Variants in ATP6V0D2 observed in about 807,000 individuals in gnomAD.
ATP6V0D2 encodes the protein V-type proton ATPase subunit d 2.
A neutral mutation model predicts 40.0 loss-of-function variants in ATP6V0D2; 40 were observed. The observed-to-expected ratio is 1.00, with a 90% CI of 0.78 to 1.30. The LOEUF (loss-of-function observed/expected upper bound fraction) is 1.30, where lower values mean the gene tolerates loss of function less well. Among genes scored for constraint, ATP6V0D2 ranks in the 50% most tolerant of loss-of-function variants. The pLI is 0.00. For missense variants in ATP6V0D2, 470 were observed against 423.1 expected (o/e 1.11, Z -0.97); for synonymous variants, 179 against 156.3 (o/e 1.15, Z -1.08).
intron 1 of ATP6V0D2, among the ~76,000 whole-genome samples, chr8:86,106,111 CT>C (rs376673986): frequency 1.9e-3 from 282 of 146,092 alleles, no homozygotes; most frequent in East Asian, 8.0e-3. Context: ...TAACATGGTG[CT>C]TTTTTTTTTT....
At chr8:86,151,394 C>T in intron 6 of ATP6V0D2, 72 bp from the exon 7 acceptor site, 14 of 1,052,888 alleles carry the variant, frequency 1.3e-5, no homozygotes, top group African/African-American at 3.4e-5. Flanking sequence ...TTCTATAATG[C>T]TAGGAAAAAT....
chr8:86,123,406 A>C (rs531502570), intron 2 of ATP6V0D2, among the ~76,000 whole-genome samples: 1 of 152,238 alleles, frequency 6.6e-6, no homozygotes, highest in Non-Finnish European at 1.5e-5. Flanking sequence ...TGCTTCGCAA[A>C]GTGAGGGAGC....
chr8:86,138,320 A>G (rs1818925094), intron 2 of ATP6V0D2, among the ~76,000 whole-genome samples: 1 of 152,208 alleles, frequency 6.6e-6, no homozygotes. Context: ...GCGTCCAGCT[A>G]TGATTCTCCA....
chr8:86,106,010 G>GA (rs1315544918), intron 1 of ATP6V0D2, among the ~76,000 whole-genome samples: 1 of 151,960 alleles, frequency 6.6e-6, no homozygotes, highest in East Asian at 1.9e-4. Context: ...GTAAGAATCT[G>GA]AAAATACACA....
At chr8:86,122,068 C>T (rs965353677) in intron 2 of ATP6V0D2, among the ~76,000 whole-genome samples, 8 of 152,178 alleles carry the variant, frequency 5.3e-5, no homozygotes, top group African/African-American at 1.2e-4. Context: ...AACATTTTAA[C>T]GAAGAGATCA....
intron 1 of ATP6V0D2, 31 bp downstream of exon 1, chr8:86,099,139 G>GAAAA: frequency 1.3e-5 from 17 of 1,307,132 alleles, no homozygotes; most frequent in South Asian, 3.2e-5. Flanking sequence ...CCTTTAAAAA[G>GAAAA]AAAAAAAAAA....
intron 5 of ATP6V0D2, among the ~76,000 whole-genome samples, chr8:86,145,547 G>A (rs975000519): frequency 2.2e-4 from 34 of 152,022 alleles, no homozygotes; most frequent in Admixed American, 5.3e-4. Flanking sequence ...TACAGAAAGT[G>A]GATATCGAAT....
chr8:86,109,811 G>A (rs193156835), intron 1 of ATP6V0D2, among the ~76,000 whole-genome samples: 1 of 152,262 alleles, frequency 6.6e-6, no homozygotes, highest in Non-Finnish European at 1.5e-5. Flanking sequence ...CAGATGAACA[G>A]CATTTACGAT....
chr8:86,120,414 C>T (rs955742068), intron 2 of ATP6V0D2, among the ~76,000 whole-genome samples: 1 of 151,848 alleles, frequency 6.6e-6, no homozygotes, highest in Non-Finnish European at 1.5e-5. Flanking sequence ...AAACCAAAAA[C>T]AAACATACAA....
intron 2 of ATP6V0D2, among the ~76,000 whole-genome samples, chr8:86,138,488 C>T (rs775571329): frequency 1.3e-5 from 2 of 152,138 alleles, no homozygotes; most frequent in Non-Finnish European, 2.9e-5. Flanking sequence ...ATCTTAGGTG[C>T]TGACTACATG....
chr8:86,127,666 C>T (rs1440778894), intron 2 of ATP6V0D2, among the ~76,000 whole-genome samples: 2 of 152,092 alleles, frequency 1.3e-5, no homozygotes, highest in Non-Finnish European at 2.9e-5. Flanking sequence ...TCAAGCGATC[C>T]GCCTGCCTTG....
chr8:86,153,216 G>A lies in ATP6V0D2; in HGVS notation c.*239G>A. On this transcript the variant is annotated 3_prime_UTR_variant, in exon 8 of 8. Transcript: ENST00000285393. Reference sequence around the variant, plus strand: ...TCTCATTCTTCACTGGGCCTTACAGGTTAGTTTTAATTAACTCTATGGTAT... The same window carrying A: ...TCTCATTCTTCACTGGGCCTTACAGATTAGTTTTAATTAACTCTATGGTAT... The A allele has an allele frequency of 3.4e-6, 1 of 294,606 alleles. No individual in the cohort carries two copies. The highest frequency in any genetic ancestry group is 1.2e-4 in the South Asian group (1 of 8,324). The allele number at this position is 294,606 out of a possible 1,614,324, so 18.2% of individuals were successfully genotyped here. A position where few individuals can be genotyped will look rare whatever the true frequency, so the allele number is the denominator to read the frequency against.
At chr8:86,126,008 G>A (rs1818736843) in intron 2 of ATP6V0D2, among the ~76,000 whole-genome samples, 1 of 149,758 alleles carries the variant, frequency 6.7e-6, no homozygotes, top group Non-Finnish European at 1.5e-5. Context: ...TGTGATCTTG[G>A]CTCACTGCAA....
intron 2 of ATP6V0D2, among the ~76,000 whole-genome samples, chr8:86,115,052 A>G (rs983735261): frequency 4.6e-5 from 7 of 152,230 alleles, no homozygotes; most frequent in African/African-American, 9.6e-5. Flanking sequence ...TACTAGAAGT[A>G]GGAAATTAGA....
intron 6 of ATP6V0D2, among the ~76,000 whole-genome samples, chr8:86,150,934 C>G (rs1819141191): frequency 6.6e-6 from 1 of 152,222 alleles, no homozygotes; most frequent in Non-Finnish European, 1.5e-5. Context: ...TGACACTCAT[C>G]TTTTCCTCCA....
At chr8:86,106,219 A>G (rs189514455) in intron 1 of ATP6V0D2, among the ~76,000 whole-genome samples, 1 of 151,992 alleles carries the variant, frequency 6.6e-6, no homozygotes, top group Admixed American at 6.5e-5. Flanking sequence ...TGCAGCCTCA[A>G]TCTCCTAGGC....
chr8:86,105,635 T>TTTTTTG (rs1818461304), intron 1 of ATP6V0D2, among the ~76,000 whole-genome samples: 1 of 148,128 alleles, frequency 6.8e-6, no homozygotes. Context: ...TTTTTTTTTT[T>TTTTTTG]TGAGATGGAT....
At chr8:86,102,268 G>C (rs758519911) in intron 1 of ATP6V0D2, among the ~76,000 whole-genome samples, 1 of 152,158 alleles carries the variant, frequency 6.6e-6, no homozygotes, top group Non-Finnish European at 1.5e-5. Flanking sequence ...TTCAACTGTT[G>C]CATCTGTGAA....
At chr8:86,138,139 C>T (rs1818922585) in intron 2 of ATP6V0D2, among the ~76,000 whole-genome samples, 1 of 152,166 alleles carries the variant, frequency 6.6e-6, no homozygotes, top group Non-Finnish European at 1.5e-5. Flanking sequence ...AGGAAACACC[C>T]TGAGTATCCT....
Sources: allele counts gnomAD v4.1 joint callset (sites outside exome capture counted in the v4.1 genomes callset), GRCh38; gene constraint gnomAD v4.1.1; transcripts MANE v1.5; gene names NCBI Gene and HGNC (gene_info 2026-07-23, HGNC 2026-07-21).